NAV3: variants seen among roughly 807,000 people sequenced by gnomAD.
NAV3 encodes neuron navigator 3.
A neutral mutation model predicts 244.7 loss-of-function variants in NAV3; 87 were observed. The observed-to-expected ratio is 0.36, with a 90% CI of 0.30 to 0.42. NAV3 has a LOEUF of 0.42. Ranked by LOEUF, NAV3 falls within the 20% of genes least tolerant of loss-of-function variation. The probability of loss-of-function intolerance (pLI) is 1.00; values close to 1 mark genes in which losing one functional copy is unlikely to be tolerated. For missense variants in NAV3, 2,663 were observed against 2,893.3 expected (o/e 0.92, Z 1.83); for synonymous variants, 1,126 against 1,042.2 (o/e 1.08, Z -1.55).
chr12:78,055,888 T>C (rs1883431031), intron 11 of NAV3, among the ~76,000 whole-genome samples: 1 of 152,202 alleles, frequency 6.6e-6, no homozygotes, highest in Non-Finnish European at 1.5e-5. Flanking sequence ...ACTCACTAAT[T>C]TTTTAAAAAA....
At chr12:77,755,763 T>C (rs1239227282) in intron 2 of NAV3, among the ~76,000 whole-genome samples, 1 of 151,296 alleles carries the variant, frequency 6.6e-6, no homozygotes, top group African/African-American at 2.4e-5. Flanking sequence ...CGTCAGGGTC[T>C]TGCCTTGTCA....
intron 1 of NAV3, among the ~76,000 whole-genome samples, chr12:77,874,446 G>A (rs1881547613): frequency 6.6e-6 from 1 of 151,978 alleles, no homozygotes; most frequent in Non-Finnish European, 1.5e-5. Context: ...CTGGGCTCAA[G>A]CAGTCCTTCC....
At chr12:78,007,482 A>G in intron 8 of NAV3, 37 bp downstream of exon 8, 1 of 1,584,496 alleles carries the variant, frequency 6.3e-7, no homozygotes. Context: ...TTGTAAATAT[A>G]TTTACAGGCC....
intron 2 of NAV3, among the ~76,000 whole-genome samples, chr12:77,748,716 C>G (rs1868685489): frequency 6.6e-6 from 1 of 152,040 alleles, no homozygotes; most frequent in Admixed American, 6.6e-5. Flanking sequence ...TAGTGGTTAC[C>G]AGGGCCTAGG....
chr12:77,984,338 A>T (rs1870090430), intron 5 of NAV3, among the ~76,000 whole-genome samples: 1 of 152,212 alleles, frequency 6.6e-6, no homozygotes, highest in African/African-American at 2.4e-5. Context: ...AGAATAACGT[A>T]ACATCAAAAG....
chr12:78,054,470 A>G (rs571215052), intron 11 of NAV3, among the ~76,000 whole-genome samples: 1 of 152,336 alleles, frequency 6.6e-6, no homozygotes, highest in African/African-American at 2.4e-5. Flanking sequence ...AAACAGTCAT[A>G]GAACATGGCA....
rs77470104 is a variant in NAV3 at position 77,680,929 on chromosome 12, C to T, written c.72+108663C>T. Among the ~76,000 whole-genome samples, 455 of 152,014 alleles carry T rather than the reference C, an allele frequency of 3.0e-3. 4 individuals are homozygous for T. Among genetic ancestry groups the T allele is most frequent in the African/African-American group, 0.011 (438 of 41,470 alleles). On this transcript the variant is annotated intron_variant, in intron 2 of 8. Transcript: ENST00000550042. ...ATGAGAATCTATTAAAATAGTTTTC[C>T]CTTTTATTCCTCAATAAAGTTGACT...
intron 2 of NAV3, among the ~76,000 whole-genome samples, chr12:77,699,898 T>C (rs980283229): frequency 3.3e-5 from 5 of 151,886 alleles, no homozygotes; most frequent in Non-Finnish European, 7.4e-5. Flanking sequence ...TAGAACCCAC[T>C]TGTAGATGGA....
intron 24 of NAV3, among the ~76,000 whole-genome samples, chr12:78,170,655 T>C (rs1048948624): frequency 6.6e-6 from 1 of 151,776 alleles, no homozygotes; most frequent in Non-Finnish European, 1.5e-5. Context: ...ATGATGCACA[T>C]ATAGACTTCT....
At chr12:78,091,711 G>A (rs1953946742) in intron 12 of NAV3, 1 of 147,882 alleles carries the variant, frequency 6.8e-6, no homozygotes, top group Non-Finnish European at 1.5e-5. Context: ...CAGGAGAATG[G>A]CGTGAACCCG....
chr12:78,074,326 A>G (rs1952935231), intron 12 of NAV3, among the ~76,000 whole-genome samples: 1 of 152,218 alleles, frequency 6.6e-6, no homozygotes. Context: ...TAGGACATAG[A>G]GGAGGGTCAC....
intron 2 of NAV3, among the ~76,000 whole-genome samples, chr12:77,589,851 G>T (rs375423878): frequency 1.2e-3 from 186 of 152,324 alleles, no homozygotes; most frequent in African/African-American, 4.1e-3. Context: ...AGGCTTTGGC[G>T]TTAGCCTGGA....
chr12:77,625,190 G>T (rs1351413881), intron 2 of NAV3, among the ~76,000 whole-genome samples: 1 of 151,986 alleles, frequency 6.6e-6, no homozygotes, highest in African/African-American at 2.4e-5. Flanking sequence ...TAAAATAAAT[G>T]AGGTTCAGTA....
At chr12:77,681,372 A>C (rs1256087771) in intron 2 of NAV3, among the ~76,000 whole-genome samples, 1 of 152,218 alleles carries the variant, frequency 6.6e-6, no homozygotes, top group Non-Finnish European at 1.5e-5. Context: ...CAATATTCCC[A>C]GGAAGTCTTT....
chr12:77,606,660 C>A (rs1244760234), intron 2 of NAV3, among the ~76,000 whole-genome samples: 1 of 152,090 alleles, frequency 6.6e-6, no homozygotes, highest in Non-Finnish European at 1.5e-5. Context: ...TGAGAAATGT[C>A]TTCAACAATA....
intron 1 of NAV3, among the ~76,000 whole-genome samples, chr12:77,900,643 G>A (rs1885178971): frequency 6.6e-6 from 1 of 152,086 alleles, no homozygotes; most frequent in Admixed American, 6.5e-5. Context: ...TTGATTCCAT[G>A]TCTGTTATTG....
intron 2 of NAV3, among the ~76,000 whole-genome samples, chr12:77,621,663 A>G (rs557379392): frequency 6.6e-6 from 1 of 152,026 alleles, no homozygotes; most frequent in Non-Finnish European, 1.5e-5. Context: ...TATTTTTATT[A>G]GAGACGGGGT....
intron 12 of NAV3, among the ~76,000 whole-genome samples, chr12:78,062,726 AG>A (rs769118481): frequency 1.3e-5 from 2 of 152,182 alleles, no homozygotes; most frequent in African/African-American, 2.4e-5. Context: ...TGCAGCTAAT[AG>A]TACAAGGATT....
intron 9 of NAV3, among the ~76,000 whole-genome samples, chr12:78,038,858 G>A (rs1382924995): frequency 6.6e-6 from 1 of 152,104 alleles, no homozygotes; most frequent in Admixed American, 6.5e-5. Flanking sequence ...TGAACAGAGT[G>A]CAGTCCCCTG....
Sources: gnomAD v4.1 joint callset for allele counts (sites outside exome capture counted in the v4.1 genomes callset) on GRCh38, gnomAD v4.1.1 for gene constraint, MANE v1.5 for transcripts, NCBI Gene and HGNC (gene_info 2026-07-23, HGNC 2026-07-21) for gene names.